The following NRXN3 variants were observed in gnomAD, a reference collection of about 807,000 sequenced individuals.
The protein encoded by NRXN3 is neurexin 3.
NRXN3 carries 32 observed loss-of-function variants against 137.6 expected under a neutral mutation model. That is an observed-to-expected ratio of 0.23 (90% CI 0.18 to 0.31). NRXN3 has a LOEUF of 0.31. NRXN3 is among the 10% of genes least tolerant of loss of function. The probability of loss-of-function intolerance (pLI) is 1.00; values close to 1 mark genes in which losing one functional copy is unlikely to be tolerated. For synonymous variants in NRXN3, 798 were observed against 784.5 expected, an observed-to-expected ratio of 1.02 and a Z score of -0.29; for missense variants, 1,574 against 2,062.5, an observed-to-expected ratio of 0.76 and a Z score of 4.59.
At chr14:78,667,266 A>G (rs2097894938) in intron 6 of NRXN3, among the ~76,000 whole-genome samples, 1 of 152,206 alleles carries the variant, frequency 6.6e-6, no homozygotes, top group Non-Finnish European at 1.5e-5. Context: ...TCTGAAACTC[A>G]GTTTATTTAT....
intron 10 of NRXN3, among the ~76,000 whole-genome samples, chr14:78,843,076 G>C (rs1296285750): frequency 6.6e-6 from 1 of 152,152 alleles, no homozygotes. Flanking sequence ...TTAAAGTAAA[G>C]ACAAGCATAG....
At chr14:78,888,266 G>C (rs1170496429) in intron 10 of NRXN3, among the ~76,000 whole-genome samples, 1 of 151,980 alleles carries the variant, frequency 6.6e-6, no homozygotes, top group Non-Finnish European at 1.5e-5. Flanking sequence ...GTCCCCTAAA[G>C]GAGGTTTTCT....
intron 8 of NRXN3, among the ~76,000 whole-genome samples, chr14:78,768,171 A>G (rs2098715042): frequency 6.6e-6 from 1 of 151,808 alleles, no homozygotes; most frequent in Non-Finnish European, 1.5e-5. Flanking sequence ...GGAAGGATAA[A>G]CATGTTTGTA....
At chr14:79,338,092 C>T (rs529766939) in intron 15 of NRXN3, among the ~76,000 whole-genome samples, 24 of 152,074 alleles carry the variant, frequency 1.6e-4, no homozygotes, top group African/African-American at 4.6e-4. Context: ...CAATGATTGG[C>T]GGTGACATCA....
At chr14:78,450,919 G>T (rs1005959585) in intron 4 of NRXN3, among the ~76,000 whole-genome samples, 55 of 152,144 alleles carry the variant, frequency 3.6e-4, no homozygotes, top group Non-Finnish European at 6.0e-4. Context: ...TGGGGTGTGT[G>T]TGTGTGTGTG....
chr14:78,793,877 A>G lies in NRXN3; in HGVS notation c.2045-9743A>G, dbSNP rs573171429. Among the ~76,000 whole-genome samples the G allele has an allele frequency of 9.2e-5, 14 of 152,244 alleles. No homozygotes were observed. In the South Asian group the frequency reaches 2.9e-3, roughly 32 times the overall value. The stretch of plus-strand genomic sequence containing the variant: ...AAATTCCATGAGCTCAATACACAGG[A>G]GCTGGTGAAGGGCCAGTCGTGCAAA... On this transcript the variant is annotated intron_variant, in intron 8 of 20. Transcript: ENST00000335750.
At chr14:79,713,164 CTTT>C (rs574716352) in intron 19 of NRXN3, among the ~76,000 whole-genome samples, 206 of 80,888 alleles carry the variant, frequency 2.5e-3, no homozygotes, top group African/African-American at 7.5e-3. Context: ...CTGATTTTTA[CTTT>C]TTTTTTTTTT....
intron 1 of NRXN3, among the ~76,000 whole-genome samples, chr14:78,206,108 C>T (rs541647622): frequency 4.0e-4 from 61 of 152,266 alleles, no homozygotes; most frequent in African/African-American, 6.7e-4. Flanking sequence ...ATTGTGTTTG[C>T]GGTACCTGTG....
chr14:79,711,411 T>TA (rs2098803626), intron 19 of NRXN3, among the ~76,000 whole-genome samples: 1 of 152,078 alleles, frequency 6.6e-6, no homozygotes, highest in South Asian at 2.1e-4. Context: ...AATTTATTTT[T>TA]ATCTAAACAA....
At chr14:79,213,685 G>T (rs1395359119) in intron 15 of NRXN3, among the ~76,000 whole-genome samples, 1 of 151,740 alleles carries the variant, frequency 6.6e-6, no homozygotes, top group Non-Finnish European at 1.5e-5. Flanking sequence ...AAGACAAAAC[G>T]AGGATTTATT....
chr14:79,724,553 T>G (rs2098869013), intron 19 of NRXN3, among the ~76,000 whole-genome samples: 1 of 152,180 alleles, frequency 6.6e-6, no homozygotes. Flanking sequence ...AGGCCACAGA[T>G]GCTGCTATAC....
At chr14:79,504,493 C>A (rs1367182990) in intron 16 of NRXN3, among the ~76,000 whole-genome samples, 2 of 151,160 alleles carry the variant, frequency 1.3e-5, no homozygotes, top group Admixed American at 6.6e-5. Flanking sequence ...AGGATTAAAC[C>A]AACCACTGAA....
chr14:79,618,430 G>A (rs897212752), intron 16 of NRXN3, among the ~76,000 whole-genome samples: 1 of 152,092 alleles, frequency 6.6e-6, no homozygotes, highest in Non-Finnish European at 1.5e-5. Context: ...TTACAAGTGA[G>A]AATATGTGGT....
At chr14:78,958,679 TC>T (rs1327225744) in intron 11 of NRXN3, among the ~76,000 whole-genome samples, 2 of 152,310 alleles carry the variant, frequency 1.3e-5, no homozygotes, top group Admixed American at 6.5e-5. Context: ...TTATAAGTCT[TC>T]CCTCTCTGAT....
At chr14:78,981,340 A>G (rs1180405098) in intron 14 of NRXN3, among the ~76,000 whole-genome samples, 4 of 152,226 alleles carry the variant, frequency 2.6e-5, no homozygotes, top group Admixed American at 6.5e-5. Context: ...GACACCACAC[A>G]TGCACATTCC....
intron 14 of NRXN3, among the ~76,000 whole-genome samples, chr14:78,979,630 C>A (rs145740764): frequency 7.9e-5 from 12 of 152,210 alleles, no homozygotes; most frequent in Non-Finnish European, 1.5e-4. Flanking sequence ...CAGTTCATGG[C>A]ATGTATTATT....
chr14:78,210,446 T>G lies in NRXN3; in HGVS notation c.-703-31945T>G, dbSNP rs184052860. On this transcript the variant is annotated intron_variant, in intron 1 of 20. Coordinates refer to ENST00000335750, the MANE Select transcript of NRXN3 (RefSeq NM_001330195.2). ...AAACTTAGGTGGGGGAATGTGAGCA[T>G]TCAGGCCATAACACTGCCATTTATA... Among the ~76,000 whole-genome samples the G allele has an allele frequency of 2.1e-3, 327 of 152,346 alleles. 1 individual carries two copies. The highest frequency in any genetic ancestry group is 0.02 in the Middle Eastern group (6 of 294).
intron 9 of NRXN3, among the ~76,000 whole-genome samples, chr14:78,806,344 C>T (rs1285005172): frequency 6.6e-6 from 1 of 152,130 alleles, no homozygotes; most frequent in Non-Finnish European, 1.5e-5. Context: ...CGTTCCCTCC[C>T]CAAAATATAC....
intron 16 of NRXN3, among the ~76,000 whole-genome samples, chr14:79,566,455 C>A (rs547114349): frequency 2.5e-4 from 38 of 152,154 alleles, no homozygotes; most frequent in African/African-American, 8.9e-4. Context: ...CTGCAGTTTA[C>A]TCTAGAATTT....
Sources: allele counts gnomAD v4.1 joint callset (sites outside exome capture counted in the v4.1 genomes callset), GRCh38; gene constraint gnomAD v4.1.1; transcripts MANE v1.5; gene names NCBI Gene and HGNC (gene_info 2026-07-23, HGNC 2026-07-21).